The following HTR1D variants were observed in gnomAD, a reference collection of about 807,000 sequenced individuals.
The protein encoded by HTR1D is 5-hydroxytryptamine receptor 1D.
Under a neutral mutation model 21.1 loss-of-function variants are expected in HTR1D, and 18 were observed. The ratio of observed to expected loss-of-function variants is 0.85; its 90% CI spans 0.59 to 1.27. The LOEUF is 1.27. HTR1D is among the 50% of genes most tolerant of loss of function. The pLI, the probability that HTR1D is intolerant of heterozygous loss-of-function variation, is 0.00. For missense variants in HTR1D, 456 were observed against 481.4 expected (o/e 0.95, Z 0.49); for synonymous variants, 196 against 204.4 (o/e 0.96, Z 0.35).
intron 1 of HTR1D, among the ~76,000 whole-genome samples, chr1:23,201,636 C>T (rs1390029647): frequency 6.6e-6 from 1 of 152,130 alleles, no homozygotes; most frequent in African/African-American, 2.4e-5. Context: ...ACTGCAGCCT[C>T]GATCTCCCAG....
intron 1 of HTR1D, among the ~76,000 whole-genome samples, chr1:23,212,771 C>A (rs138872088): frequency 2.0e-3 from 303 of 152,156 alleles, no homozygotes; most frequent in Middle Eastern, 6.8e-3. Context: ...CTTTATGTCC[C>A]ACAGGGGCTC....
intron 1 of HTR1D, among the ~76,000 whole-genome samples, chr1:23,216,178 C>T (rs1198290607): frequency 2.0e-5 from 3 of 152,212 alleles, no homozygotes; most frequent in South Asian, 2.1e-4. Flanking sequence ...ATCCAGAGGA[C>T]AGCGCAGACC....
At chr1:23,199,228 C>T (rs559853744) in intron 1 of HTR1D, among the ~76,000 whole-genome samples, 1 of 152,150 alleles carries the variant, frequency 6.6e-6, no homozygotes, top group East Asian at 1.9e-4. Context: ...ATCCTCCCAC[C>T]TCAGCCTCCT....
intron 1 of HTR1D, among the ~76,000 whole-genome samples, chr1:23,214,809 G>C (rs1644767105): frequency 6.6e-6 from 1 of 152,140 alleles, no homozygotes; most frequent in African/African-American, 2.4e-5. Flanking sequence ...GCCTAGAACA[G>C]TGCCTGGCTG....
At chr1:23,212,557 A>G (rs1644757629) in intron 1 of HTR1D, among the ~76,000 whole-genome samples, 1 of 152,212 alleles carries the variant, frequency 6.6e-6, no homozygotes, top group Admixed American at 6.6e-5. Context: ...CCTGCAGTCC[A>G]ATGCCTGTGG....
chr1:23,202,502 C>CT (rs1272695883), intron 1 of HTR1D, among the ~76,000 whole-genome samples: 1 of 152,154 alleles, frequency 6.6e-6, no homozygotes, highest in Non-Finnish European at 1.5e-5. Flanking sequence ...TCTGAGGGCT[C>CT]TTTAACTAAG....
Position 23,202,922 on chromosome 1 carries a change from C to CT in HTR1D, c.-782-7922dup, listed in dbSNP as rs111461552. On this transcript the variant is annotated intron_variant, in intron 1 of 1. Transcript: ENST00000374619. ...GAAGAATCTGGAAAGTTTCTTTCTT[C>CT]TTTTTTTTTTGAGACAGAGTCTCAC... is the stretch of plus-strand genomic sequence containing the variant. Among the ~76,000 whole-genome samples the CT allele has an allele frequency of 7.1e-3, 1,056 of 149,218 alleles. 12 individuals carry two copies. The highest frequency in any genetic ancestry group is 0.023 in the African/African-American group (935 of 40,792).
At chr1:23,216,050 G>A (rs1439557219) in intron 1 of HTR1D, among the ~76,000 whole-genome samples, 4 of 152,234 alleles carry the variant, frequency 2.6e-5, no homozygotes, top group African/African-American at 9.6e-5. Context: ...CTCCCCACCA[G>A]TGGAGCAGGA....
At chr1:23,206,945 C>A (rs894116824) in intron 1 of HTR1D, among the ~76,000 whole-genome samples, 37 of 152,254 alleles carry the variant, frequency 2.4e-4, no homozygotes, top group African/African-American at 8.4e-4. Flanking sequence ...GGCAGAGGCC[C>A]TGGGCTTTAG....
chr1:23,209,705 T>C (rs113135452), intron 1 of HTR1D, among the ~76,000 whole-genome samples: 2 of 152,096 alleles, frequency 1.3e-5, no homozygotes, highest in African/African-American at 4.8e-5. Flanking sequence ...GGGAGGAAAG[T>C]GAGGCTCAGA....
intron 1 of HTR1D, among the ~76,000 whole-genome samples, chr1:23,206,642 T>C (rs1488012230): frequency 1.3e-5 from 2 of 152,158 alleles, no homozygotes; most frequent in African/African-American, 4.8e-5. Context: ...TTCAGTCCCC[T>C]GGCTACCTAA....
intron 1 of HTR1D, among the ~76,000 whole-genome samples, chr1:23,204,187 A>G (rs1003246830): frequency 6.6e-6 from 1 of 151,296 alleles, no homozygotes; most frequent in Admixed American, 6.6e-5. Context: ...GTGCAGTGGC[A>G]CAATCTCGGC....
intron 1 of HTR1D, among the ~76,000 whole-genome samples, chr1:23,201,542 TTTC>T (rs1163447715): frequency 1.3e-5 from 2 of 152,046 alleles, no homozygotes; most frequent in African/African-American, 4.8e-5. Context: ...GACAAGGAAC[TTTC>T]TTCTTCTTCT....
intron 1 of HTR1D, among the ~76,000 whole-genome samples, chr1:23,203,781 C>T (rs1472693512): frequency 3.3e-5 from 5 of 152,198 alleles, no homozygotes; most frequent in Admixed American, 2.0e-4. Flanking sequence ...CCAAAAGATA[C>T]ATGCAAGAAT....
rs547790215 is a variant in HTR1D at position 23,204,650 on chromosome 1, C to A, written c.-782-9649G>T. ...TGGGTTCAGCATGGACTCGCTATGG[C>A]CAACAGAATGAGGCAGAAGTGACAG... On this transcript the variant is annotated intron_variant, in intron 1 of 1. Coordinates refer to ENST00000374619, the MANE Select transcript of HTR1D (RefSeq NM_000864.5). Among the ~76,000 whole-genome samples the A allele has an allele frequency of 5.9e-5, 9 of 152,304 alleles. No individual in the cohort carries two copies. In the East Asian group the frequency reaches 1.2e-3, roughly 20 times the overall value.
Position 23,193,176 on chromosome 1 carries a change from GT to G in HTR1D, c.1043del (p.Asn348ThrfsTer7), listed in dbSNP as rs1410792808. 3 of 1,612,858 alleles carry G rather than the reference GT, an allele frequency of 1.9e-6. No individual in the cohort carries two copies. Among genetic ancestry groups the G allele is most frequent in the Non-Finnish European group, 1.7e-6 (2 of 1,179,664 alleles). ...TGTAGATTATTGGATTGATGAGGGA[GT>G]TTAAATAGCCTAGCCAGGTGAAGAA... ...FDFFTWLGYL[N>X]SLINPIIYTV... On this transcript the variant is annotated frameshift_variant, in exon 2 of 2. Coordinates refer to ENST00000374619, the MANE Select transcript of HTR1D (RefSeq NM_000864.5). LOFTEE classifies it high-confidence loss of function.
chr1:23,201,340 G>A (rs962023354), intron 1 of HTR1D, among the ~76,000 whole-genome samples: 1 of 152,180 alleles, frequency 6.6e-6, no homozygotes, highest in African/African-American at 2.4e-5. Context: ...AGCAGAGAAA[G>A]AAGCTGAGGG....
intron 1 of HTR1D, among the ~76,000 whole-genome samples, chr1:23,203,148 C>T (rs994911939): frequency 2.0e-5 from 3 of 152,168 alleles, no homozygotes; most frequent in Non-Finnish European, 4.4e-5. Flanking sequence ...GATCCCCCAC[C>T]TCGGCTTCCC....
chr1:23,201,390 C>T (rs1366451920), intron 1 of HTR1D, among the ~76,000 whole-genome samples: 1 of 152,146 alleles, frequency 6.6e-6, no homozygotes, highest in East Asian at 1.9e-4. Flanking sequence ...ATGAAGGAGG[C>T]TTCCAGGCCA....
Sources: allele counts gnomAD v4.1 joint callset (sites outside exome capture counted in the v4.1 genomes callset), GRCh38; gene constraint gnomAD v4.1.1; transcripts MANE v1.5; gene names NCBI Gene and HGNC (gene_info 2026-07-23, HGNC 2026-07-21).